The following COL28A1 variants were observed in gnomAD, a reference collection of about 807,000 sequenced individuals.
COL28A1 encodes collagen type XXVIII alpha 1 chain.
COL28A1 carries 161 observed loss-of-function variants against 150.2 expected under a neutral mutation model. The observed-to-expected ratio is 1.07, with a 90% CI of 0.94 to 1.22. COL28A1 has a LOEUF of 1.22. COL28A1 is among the 50% of genes most tolerant of loss of function. The probability of loss-of-function intolerance (pLI) is 0.00; values close to 1 mark genes in which losing one functional copy is unlikely to be tolerated. For missense variants in COL28A1, 1,617 were observed against 1,388.3 expected (o/e 1.16, Z -2.62); for synonymous variants, 552 against 469.7 (o/e 1.18, Z -2.26).
intron 14 of COL28A1, 35 bp from the exon 15 acceptor site, chr7:7,474,704 C>T (rs777521093): frequency 4.4e-6 from 4 of 904,602 alleles, no homozygotes; most frequent in African/African-American, 1.6e-5. Context: ...AATGCACCAA[C>T]CAAAATCTGA....
intron 32 of COL28A1, 28 bp from the exon 33 acceptor site, chr7:7,370,910 ATAG>A (rs1022345754): frequency 1.3e-6 from 2 of 1,491,568 alleles, no homozygotes; most frequent in African/African-American, 2.8e-5. Context: ...GAAAAGAGAG[ATAG>A]TAGAAGCAAT....
Position 7,440,833 on chromosome 7 carries a change from C to T in COL28A1, c.1679G>A (p.Gly560Glu). 6.4e-7 allele frequency: 1 copy of T among 1,550,460 alleles called. No homozygotes were observed. The highest frequency in any genetic ancestry group is 8.9e-7 in the Non-Finnish European group (1 of 1,122,962). ...TGGAAGTCCCCTCTGTCCTTGATTT[C>T]CTTTGCTCCCTTTCTTGCCTTCGTC... ...KGDEGKKGSK[G>E]NQGQRGLPGP... is the part of the protein sequence containing the mutation. The change falls in exon 21 of 35, where the codon GGA becomes GAA. Residue 560 changes from glycine to glutamate, a missense_variant. Physicochemically the swap from Gly to Glu is moderately conservative, Grantham distance 98. Coordinates refer to ENST00000399429, the MANE Select transcript of COL28A1 (RefSeq NM_001037763.3).
chr7:7,376,889 GCTAA>G (rs1442767867), intron 30 of COL28A1, among the ~76,000 whole-genome samples: 3 of 152,112 alleles, frequency 2.0e-5, no homozygotes, highest in African/African-American at 4.8e-5. Flanking sequence ...GAAAAGTTGT[GCTAA>G]CTGACACCTC....
chr7:7,477,064 G>C, intron 14 of COL28A1, 48 bp downstream of exon 14: 1 of 857,220 alleles, frequency 1.2e-6, no homozygotes, highest in Non-Finnish European at 2.0e-6. Flanking sequence ...TGTAATTCAC[G>C]AGCATGTAAG....
intron 27 of COL28A1, among the ~76,000 whole-genome samples, chr7:7,413,990 G>A (rs1312849915): frequency 6.6e-6 from 1 of 152,138 alleles, no homozygotes; most frequent in Non-Finnish European, 1.5e-5. Context: ...TAAGTACTAA[G>A]GGAATGTCAG....
intron 13 of COL28A1, among the ~76,000 whole-genome samples, chr7:7,481,060 G>C (rs944332257): frequency 5.9e-5 from 9 of 152,182 alleles, no homozygotes; most frequent in Non-Finnish European, 1.2e-4. Context: ...TAATTGCTAA[G>C]AATGTCCTTT....
intron 11 of COL28A1, among the ~76,000 whole-genome samples, chr7:7,498,566 A>G (rs938728621): frequency 6.6e-6 from 1 of 152,214 alleles, no homozygotes; most frequent in Non-Finnish European, 1.5e-5. Flanking sequence ...AACACTGTGA[A>G]TGTATTTAAT....
intron 24 of COL28A1, 29 bp downstream of exon 24, chr7:7,432,602 AG>A: frequency 6.2e-7 from 1 of 1,612,886 alleles, no homozygotes; most frequent in Non-Finnish European, 8.5e-7. Flanking sequence ...CTCAAAAAGG[AG>A]GGAGGGAAGA....
At chr7:7,516,335 A>C (rs1359202099) in intron 7 of COL28A1, among the ~76,000 whole-genome samples, 1 of 152,222 alleles carries the variant, frequency 6.6e-6, no homozygotes, top group Non-Finnish European at 1.5e-5. Flanking sequence ...ATTCGGTCTA[A>C]GATATATAAC....
At chr7:7,392,533 T>G (rs1030552743) in intron 27 of COL28A1, among the ~76,000 whole-genome samples, 6 of 152,206 alleles carry the variant, frequency 3.9e-5, no homozygotes, top group African/African-American at 1.4e-4. Context: ...CTTGCTAGGT[T>G]GGGGAAGTTC....
At chr7:7,478,788 T>C (rs1328513249) in intron 13 of COL28A1, among the ~76,000 whole-genome samples, 1 of 152,212 alleles carries the variant, frequency 6.6e-6, no homozygotes, top group Non-Finnish European at 1.5e-5. Context: ...CTGGCGCGGG[T>C]GCTAAGCCTC....
intron 9 of COL28A1, among the ~76,000 whole-genome samples, chr7:7,510,563 G>C (rs1781075545): frequency 6.6e-6 from 1 of 152,218 alleles, no homozygotes; most frequent in Admixed American, 6.5e-5. Context: ...GGGATTACAG[G>C]TGTTAGCCAC....
At chr7:7,412,506 T>C (rs1426655072) in intron 27 of COL28A1, among the ~76,000 whole-genome samples, 2 of 152,018 alleles carry the variant, frequency 1.3e-5, no homozygotes, top group Admixed American at 6.5e-5. Context: ...TCCTGGAAAA[T>C]ACAAGAGGGA....
At chr7:7,400,628 A>AC (rs1783119055) in intron 27 of COL28A1, among the ~76,000 whole-genome samples, 1 of 151,662 alleles carries the variant, frequency 6.6e-6, no homozygotes, top group Non-Finnish European at 1.5e-5. Flanking sequence ...GGCATTACAG[A>AC]TTTTTTGTCT....
intron 15 of COL28A1, among the ~76,000 whole-genome samples, chr7:7,473,717 C>T (rs965467004): frequency 1.8e-4 from 27 of 151,944 alleles, no homozygotes; most frequent in Admixed American, 1.5e-3. Flanking sequence ...CGTCATTATA[C>T]GAAAAAGATA....
chr7:7,472,208 A>G (rs1788492492), intron 15 of COL28A1, among the ~76,000 whole-genome samples: 1 of 152,274 alleles, frequency 6.6e-6, no homozygotes, highest in East Asian at 1.9e-4. Flanking sequence ...AGAACATCCA[A>G]ATCAATAAAT....
chr7:7,362,027 T>C (rs1259895281), intron 33 of COL28A1, among the ~76,000 whole-genome samples: 1 of 152,034 alleles, frequency 6.6e-6, no homozygotes, highest in Non-Finnish European at 1.5e-5. Context: ...ATGGGGCCTG[T>C]CTGTGGGTGG....
intron 15 of COL28A1, among the ~76,000 whole-genome samples, chr7:7,457,269 G>A (rs1306296775): frequency 1.3e-5 from 2 of 152,194 alleles, no homozygotes; most frequent in African/African-American, 4.8e-5. Flanking sequence ...ACAGACTGAA[G>A]GGGGTCTGCA....
At chr7:7,383,311 C>G (rs1347234891) in intron 27 of COL28A1, among the ~76,000 whole-genome samples, 2 of 148,610 alleles carry the variant, frequency 1.3e-5, no homozygotes, top group Non-Finnish European at 3.0e-5. Flanking sequence ...CAGAGTCTCA[C>G]TCTGTCAACC....
Sources: allele counts gnomAD v4.1 joint callset (sites outside exome capture counted in the v4.1 genomes callset), GRCh38; gene constraint gnomAD v4.1.1; transcripts MANE v1.5; gene names NCBI Gene and HGNC (gene_info 2026-07-23, HGNC 2026-07-21).